Variants in NFASC observed in about 807,000 individuals in gnomAD.
The protein encoded by NFASC is neurofascin, also known as neurofascin homolog.
In NFASC, 43 loss-of-function variants were observed where a neutral mutation model predicts 147.5. The observed-to-expected ratio is 0.29, with a 90% CI of 0.23 to 0.38. The LOEUF is 0.38. Among genes scored for constraint, NFASC ranks in the 10% least tolerant of loss-of-function variants. The pLI, the probability that NFASC is intolerant of heterozygous loss-of-function variation, is 1.00. For synonymous variants in NFASC, 622 were observed against 665.5 expected (o/e 0.93, Z 1.01); for missense variants, 1,320 against 1,689.0 (o/e 0.78, Z 3.83).
chr1:204,848,926 A>T (rs1213475438), intron 1 of NFASC, among the ~76,000 whole-genome samples: 2 of 152,256 alleles, frequency 1.3e-5, no homozygotes, highest in Admixed American at 1.3e-4. Context: ...GCCATTATTT[A>T]TTGAACAGCC....
intron 1 of NFASC, among the ~76,000 whole-genome samples, chr1:204,874,629 T>C (rs1463346587): frequency 6.6e-6 from 1 of 152,162 alleles, no homozygotes; most frequent in African/African-American, 2.4e-5. Context: ...CCCAGATCCT[T>C]CCCGCCTCTG....
At chr1:205,013,480 T>TA (rs1167091393) in intron 29 of NFASC, among the ~76,000 whole-genome samples, 11 of 152,160 alleles carry the variant, frequency 7.2e-5, no homozygotes, top group Admixed American at 5.9e-4. Flanking sequence ...GGAAGCGAAT[T>TA]GTCTAAGACT....
rs566786204 is a variant in NFASC at position 204,974,822 on chromosome 1, A to G, written c.1557A>G (p.Lys519=). 24 of 1,613,782 alleles carry G rather than the reference A, an allele frequency of 1.5e-5. No individual in the cohort carries two copies. The South Asian group carries it at 2.5e-4, about 17-fold the overall frequency. The change falls in exon 14 of 30, where the codon AAA becomes AAG. Residue 519 remains lysine, a splice_region_variant and synonymous_variant. Transcript: ENST00000339876. ...KAENQVRLEV[K]DPTRIYRMPE... ...AAAACCAAGTCCGCCTGGAGGTCAA[A>G]GGTAAAGGAGAGGGTTCGCCAGTGG...
intron 1 of NFASC, among the ~76,000 whole-genome samples, chr1:204,851,008 A>G (rs1018170051): frequency 3.9e-5 from 6 of 152,222 alleles, no homozygotes; most frequent in African/African-American, 1.4e-4. Context: ...TATTCATTTC[A>G]CCAGAATTTT....
At chr1:204,897,055 C>A (rs936474202) in intron 1 of NFASC, among the ~76,000 whole-genome samples, 1 of 151,944 alleles carries the variant, frequency 6.6e-6, no homozygotes, top group Admixed American at 6.6e-5. Context: ...TAGGTTCCCC[C>A]CCTTCCCCCC....
intron 1 of NFASC, among the ~76,000 whole-genome samples, chr1:204,861,549 G>A (rs544089698): frequency 2.4e-4 from 37 of 152,286 alleles, no homozygotes; most frequent in African/African-American, 8.9e-4. Flanking sequence ...GAGTGCAGTG[G>A]CGTGATCTCA....
Position 204,828,664 on chromosome 1 carries a change from G to C in NFASC, c.-318G>C. On this transcript the variant is annotated 5_prime_UTR_variant, in exon 1 of 30. Transcript: ENST00000339876. ...GCCGCCCGGGGACGCGCACGGGCTG[G>C]TCTCTGCCCTAATGCGGCGGCTGGC... is the stretch of plus-strand genomic sequence containing the variant. 1.0e-6 allele frequency: 1 copy of C among 985,296 alleles called. No homozygotes were observed. The highest frequency in any genetic ancestry group is 1.2e-6 in the Non-Finnish European group (1 of 829,942). 61.0% of individuals were successfully genotyped at this position (985,296 alleles called of 1,614,324 possible). A position where few individuals can be genotyped will look rare whatever the true frequency, so the allele number is the denominator to read the frequency against.
At chr1:204,850,964 A>G (rs1318753173) in intron 1 of NFASC, among the ~76,000 whole-genome samples, 1 of 152,214 alleles carries the variant, frequency 6.6e-6, no homozygotes, top group Admixed American at 6.5e-5. Context: ...TAATAATTCT[A>G]CAAATTTGTC....
intron 1 of NFASC, among the ~76,000 whole-genome samples, chr1:204,849,426 G>C (rs1479013090): frequency 1.3e-5 from 2 of 152,092 alleles, no homozygotes; most frequent in Non-Finnish European, 2.9e-5. Context: ...CTGAGGCACT[G>C]GGGGGGCTTG....
intron 1 of NFASC, among the ~76,000 whole-genome samples, chr1:204,834,514 T>A (rs923331985): frequency 1.4e-4 from 21 of 152,156 alleles, no homozygotes; most frequent in South Asian, 8.3e-4. Flanking sequence ...ATCTGCCTTC[T>A]CCTCCTTCAC....
rs1452976245 is a variant in NFASC, at chr1:204,863,849, AAAAAAAAAAAAAAAGAAAGAAGG to A, written c.-200+35072_-200+35094del. The stretch of plus-strand genomic sequence containing the variant: ...GGTGAAAAAGCAAGACTCTGTCTCA[AAAAAAAAAAAAAAAGAAAGAAGG>A]AAAAGAAAGAAAAGGAAGGAAGGAA... On this transcript the variant is annotated intron_variant, in intron 1 of 29. Transcript: ENST00000339876. 4.7e-5 allele frequency among the ~76,000 whole-genome samples: 5 copies of A among 105,646 alleles called. No homozygotes were observed. In the East Asian group the frequency reaches 2.6e-3, roughly 55 times the overall value. 69.3% of individuals were successfully genotyped at this position (105,646 alleles called of 152,430 possible). A position where few individuals can be genotyped will look rare whatever the true frequency, so the allele number is the denominator to read the frequency against.
intron 2 of NFASC, among the ~76,000 whole-genome samples, chr1:204,935,051 C>G (rs1478503468): frequency 6.6e-6 from 1 of 152,126 alleles, no homozygotes; most frequent in Non-Finnish European, 1.5e-5. Flanking sequence ...ATCTAGCACT[C>G]ATTATAGTGA....
intron 3 of NFASC, chr1:204,947,302 C>T (rs1241921720): frequency 5.8e-6 from 1 of 171,282 alleles, no homozygotes; most frequent in African/African-American, 2.4e-5. Context: ...GTCTCTCCAT[C>T]TCACTGGGCC....
chr1:204,980,319 G>T (rs1290546832), intron 19 of NFASC, 51 bp from the exon 20 acceptor site: 3 of 1,473,636 alleles, frequency 2.0e-6, no homozygotes, highest in East Asian at 2.3e-5. Flanking sequence ...TCCTTACCTT[G>T]CCCTGGAAAG....
chr1:204,834,943 G>A (rs1310173979), intron 1 of NFASC, among the ~76,000 whole-genome samples: 1 of 152,072 alleles, frequency 6.6e-6, no homozygotes, highest in Non-Finnish European at 1.5e-5. Context: ...GACTCTAGGT[G>A]GCAAATGAAC....
At chr1:204,846,883 AC>A (rs1319128748) in intron 1 of NFASC, among the ~76,000 whole-genome samples, 1 of 151,120 alleles carries the variant, frequency 6.6e-6, no homozygotes, top group Non-Finnish European at 1.5e-5. Context: ...CACTTGCTCA[AC>A]TTTTGCCCCA....
chr1:204,841,876 C>T (rs1156732005), intron 1 of NFASC, among the ~76,000 whole-genome samples: 1 of 152,230 alleles, frequency 6.6e-6, no homozygotes, highest in Middle Eastern at 3.4e-3. Flanking sequence ...TCCTCCTGTC[C>T]ACCCCTTTGG....
intron 1 of NFASC, among the ~76,000 whole-genome samples, chr1:204,918,052 A>G (rs149723112): frequency 1.3e-5 from 2 of 152,308 alleles, no homozygotes; most frequent in Non-Finnish European, 2.9e-5. Context: ...ACGCAATCTC[A>G]TTAATCTTAC....
chr1:204,880,595 A>AC (rs2079999983), intron 1 of NFASC, among the ~76,000 whole-genome samples: 1 of 151,798 alleles, frequency 6.6e-6, no homozygotes, highest in Non-Finnish European at 1.5e-5. Flanking sequence ...GACGTGCTGC[A>AC]CCCGCCTCAG....
Sources: gnomAD v4.1 joint callset for allele counts (sites outside exome capture counted in the v4.1 genomes callset) on GRCh38, gnomAD v4.1.1 for gene constraint, MANE v1.5 for transcripts, NCBI Gene and HGNC (gene_info 2026-07-23, HGNC 2026-07-21) for gene names.